The following CXCL13 variants were observed in gnomAD, a reference collection of about 807,000 sequenced individuals.
The protein encoded by CXCL13 is C-X-C motif chemokine ligand 13, also known as C-X-C motif chemokine 13.
In CXCL13, 7 loss-of-function variants were observed where a neutral mutation model predicts 12.2. The ratio of observed to expected loss-of-function variants is 0.57; its 90% CI spans 0.33 to 1.07. The LOEUF is 1.07. Ranked by LOEUF, CXCL13 falls within the 50% of genes least tolerant of loss-of-function variation. CXCL13 has a pLI of 0.04. For missense variants in CXCL13, 113 were observed against 127.4 expected, an observed-to-expected ratio of 0.89 and a Z score of 0.55; for synonymous variants, 47 against 42.4, an observed-to-expected ratio of 1.11 and a Z score of -0.42.
At chr4:77,542,111 G>T (rs1169635254) in intron 1 of CXCL13, among the ~76,000 whole-genome samples, 1 of 152,026 alleles carries the variant, frequency 6.6e-6, no homozygotes, top group African/African-American at 2.4e-5. Context: ...GCCTTTTGAA[G>T]GAGTCTTTAG....
At chr4:77,606,376 T>C (rs1232806613) in intron 1 of CXCL13, among the ~76,000 whole-genome samples, 2 of 152,196 alleles carry the variant, frequency 1.3e-5, no homozygotes, top group African/African-American at 4.8e-5. Flanking sequence ...AGTACACCAC[T>C]GTCAGTACAC....
chr4:77,552,993 C>T (rs1176843835), intron 1 of CXCL13, among the ~76,000 whole-genome samples: 1 of 152,188 alleles, frequency 6.6e-6, no homozygotes, highest in African/African-American at 2.4e-5. Flanking sequence ...TGCGGCTGCT[C>T]AGGCTGCTGG....
chr4:77,572,178 A>G (rs1726102059), intron 1 of CXCL13, among the ~76,000 whole-genome samples: 1 of 151,922 alleles, frequency 6.6e-6, no homozygotes, highest in African/African-American at 2.4e-5. Context: ...AGGTGGGTGG[A>G]TCACCTGAGG....
At chr4:77,518,776 C>T (rs182747685) in intron 1 of CXCL13, among the ~76,000 whole-genome samples, 2 of 152,182 alleles carry the variant, frequency 1.3e-5, no homozygotes, top group Non-Finnish European at 2.9e-5. Context: ...TTGTCTGAAG[C>T]CTTCTTCTCT....
At chr4:77,603,141 C>T (rs59647595), upstream of CXCL13, among the ~76,000 whole-genome samples, 8 of 152,096 alleles carry the variant, frequency 5.3e-5, no homozygotes, top group Non-Finnish European at 1.0e-4. Context: ...ATACTCTTCC[C>T]GTTCTTGTCA....
At chr4:77,540,467 G>A (rs149112872) in intron 1 of CXCL13, among the ~76,000 whole-genome samples, 2 of 151,944 alleles carry the variant, frequency 1.3e-5, no homozygotes, top group Non-Finnish European at 2.9e-5. Context: ...CCATCTTTAC[G>A]TCCATGAGTA....
chr4:77,569,153 A>T (rs543499578), intron 1 of CXCL13, among the ~76,000 whole-genome samples: 5 of 152,336 alleles, frequency 3.3e-5, no homozygotes, highest in African/African-American at 1.2e-4. Context: ...CCCACAGCCA[A>T]CATTATACTG....
At chr4:77,610,800 A>G (rs1050986663) in intron 3 of CXCL13, 106 bp downstream of exon 3, 10 of 978,180 alleles carry the variant, frequency 1.0e-5, no homozygotes, top group African/African-American at 1.6e-5. Context: ...AGAAGTTCCT[A>G]AGACAAATGT....
intron 1 of CXCL13, among the ~76,000 whole-genome samples, chr4:77,523,252 G>A (rs1724661802): frequency 6.6e-6 from 1 of 152,086 alleles, no homozygotes; most frequent in Admixed American, 6.5e-5. Context: ...TTGAATGTTG[G>A]CCTGCCTTGC....
chr4:77,580,157 T>G (rs1259591193), intron 1 of CXCL13, among the ~76,000 whole-genome samples: 3 of 152,010 alleles, frequency 2.0e-5, no homozygotes, highest in Non-Finnish European at 4.4e-5. Flanking sequence ...ATTACATTAT[T>G]TGAGTGATAG....
intron 1 of CXCL13, among the ~76,000 whole-genome samples, chr4:77,518,470 A>G (rs1370902946): frequency 3.9e-5 from 6 of 152,062 alleles, no homozygotes; most frequent in Non-Finnish European, 5.9e-5. Flanking sequence ...ATAGTCCCAT[A>G]TTTCTTGGAG....
upstream of CXCL13, among the ~76,000 whole-genome samples, chr4:77,601,198 T>G (rs80316685): frequency 1.2e-3 from 186 of 152,296 alleles, 2 homozygotes; most frequent in East Asian, 0.03. Flanking sequence ...TAATTACCTT[T>G]GAAAAATGTC....
intron 1 of CXCL13, among the ~76,000 whole-genome samples, chr4:77,542,646 G>A (rs1725233268): frequency 1.3e-5 from 2 of 152,088 alleles, no homozygotes; most frequent in African/African-American, 4.8e-5. Context: ...TTTTAATTCT[G>A]TTTACGTGGT....
intron 1 of CXCL13, among the ~76,000 whole-genome samples, chr4:77,584,659 T>A (rs1486359934): frequency 6.6e-6 from 1 of 152,002 alleles, no homozygotes; most frequent in African/African-American, 2.4e-5. Context: ...GTGAGCTGAG[T>A]TGGGAGAAGG....
At chr4:77,605,385 T>C (rs746196517), upstream of CXCL13, among the ~76,000 whole-genome samples, 1 of 152,210 alleles carries the variant, frequency 6.6e-6, no homozygotes, top group Non-Finnish European at 1.5e-5. Flanking sequence ...ACTGAGCACC[T>C]ACCAAAGGCC....
At chr4:77,537,109 T>C (rs959012587) in intron 1 of CXCL13, among the ~76,000 whole-genome samples, 11 of 152,286 alleles carry the variant, frequency 7.2e-5, no homozygotes, top group African/African-American at 2.6e-4. Context: ...AATTGTGTTA[T>C]GAAGAGTTTA....
chr4:77,548,218 G>A (rs1725423050), intron 1 of CXCL13, among the ~76,000 whole-genome samples: 1 of 152,188 alleles, frequency 6.6e-6, no homozygotes, highest in African/African-American at 2.4e-5. Flanking sequence ...GAGACAAATG[G>A]AGAGGACAAA....
intron 1 of CXCL13, among the ~76,000 whole-genome samples, chr4:77,557,729 G>C (rs1725693412): frequency 6.6e-6 from 1 of 152,182 alleles, no homozygotes; most frequent in Non-Finnish European, 1.5e-5. Context: ...TCTACTGACA[G>C]CCTGGCCTGC....
At chr4:77,516,719 C>T (rs1179453434) in intron 1 of CXCL13, among the ~76,000 whole-genome samples, 1 of 151,950 alleles carries the variant, frequency 6.6e-6, no homozygotes. Context: ...ATTAGTCTAG[C>T]TAGTGGTCTA....
Sources: allele counts gnomAD v4.1 joint callset (sites outside exome capture counted in the v4.1 genomes callset), GRCh38; gene constraint gnomAD v4.1.1; transcripts MANE v1.5; gene names NCBI Gene and HGNC (gene_info 2026-07-23, HGNC 2026-07-21).